The following GABRA3 variants were observed in gnomAD, a reference collection of about 807,000 sequenced individuals.
The protein encoded by GABRA3 is gamma-aminobutyric acid type A receptor subunit alpha3.
A neutral mutation model predicts 30.1 loss-of-function variants in GABRA3; 10 were observed. That is an observed-to-expected ratio of 0.33 (90% CI 0.20 to 0.56). The LOEUF (loss-of-function observed/expected upper bound fraction) is 0.56. Ranked by LOEUF, GABRA3 falls within the 20% of genes least tolerant of loss-of-function variation. The pLI is 0.89. For missense variants in GABRA3, 233 were observed against 392.0 expected, an observed-to-expected ratio of 0.59 and a Z score of 3.42; for synonymous variants, 151 against 146.8, an observed-to-expected ratio of 1.03 and a Z score of -0.21.
intron 3 of GABRA3, among the ~76,000 whole-genome samples, chrX:152,318,924 G>T (rs904019958): frequency 2.7e-5 from 3 of 111,196 alleles, no homozygotes; most frequent in African/African-American, 9.8e-5. Flanking sequence ...CTGAGAACTG[G>T]AACAAGACAA....
chrX:152,203,768 G>C (rs775428164), intron 7 of GABRA3, among the ~76,000 whole-genome samples: 3 of 111,131 alleles, frequency 2.7e-5, no homozygotes, highest in Non-Finnish European at 5.7e-5. Context: ...TTTTCTTTTT[G>C]ACTCTGGTCT....
At chrX:152,280,171 G>C (rs770572601) in intron 4 of GABRA3, among the ~76,000 whole-genome samples, 2 of 111,031 alleles carry the variant, frequency 1.8e-5, no homozygotes, top group African/African-American at 3.3e-5. Context: ...GGTGAGAGAG[G>C]GCATCCCTCT....
intron 1 of GABRA3, among the ~76,000 whole-genome samples, chrX:152,391,106 A>T (rs969563080): frequency 1.8e-5 from 2 of 111,882 alleles, no homozygotes; most frequent in African/African-American, 3.2e-5. Flanking sequence ...CCACAGGCAC[A>T]CTCAGATAAT....
intron 1 of GABRA3, among the ~76,000 whole-genome samples, chrX:152,365,918 G>C: frequency 9.0e-6 from 1 of 111,700 alleles, no homozygotes. Context: ...CATAGTATTA[G>C]ATTGCACCAT....
intron 3 of GABRA3, among the ~76,000 whole-genome samples, chrX:152,307,838 G>T (rs918264872): frequency 8.9e-6 from 1 of 111,989 alleles, no homozygotes; most frequent in African/African-American, 3.2e-5. Context: ...AACTGGGGGA[G>T]AACCCATGAC....
chrX:152,214,729 T>G (rs61549548), intron 6 of GABRA3, among the ~76,000 whole-genome samples: 2,667 of 111,251 alleles, frequency 0.024, 96 homozygotes, highest in African/African-American at 0.083. Flanking sequence ...TTTCTATTTA[T>G]TTGTGTCTTC....
At chrX:152,282,565 C>A (rs1939217630) in intron 4 of GABRA3, among the ~76,000 whole-genome samples, 1 of 112,039 alleles carries the variant, frequency 8.9e-6, no homozygotes, top group Admixed American at 9.5e-5. Context: ...AGGAAGGTGC[C>A]ATTCTGTTGC....
chrX:152,445,028 T>C (rs1931047710), intron 1 of GABRA3, among the ~76,000 whole-genome samples: 1 of 60,846 alleles, frequency 1.6e-5, no homozygotes, highest in African/African-American at 6.8e-5. Flanking sequence ...GCCACTGCAC[T>C]CCAGCCTGGG....
At chrX:152,392,938 G>A (rs1042590428) in intron 1 of GABRA3, among the ~76,000 whole-genome samples, 4 of 111,723 alleles carry the variant, frequency 3.6e-5, no homozygotes, top group Non-Finnish European at 7.5e-5. Flanking sequence ...TTGTCCATGA[G>A]TAGATGTCAG....
chrX:152,326,648 A>C (rs1160814113), intron 3 of GABRA3, among the ~76,000 whole-genome samples: 4 of 111,590 alleles, frequency 3.6e-5, no homozygotes, highest in African/African-American at 9.8e-5. Context: ...ACAGACAAGC[A>C]AATGCTGAGA....
At chrX:152,309,443 C>T (rs1939768224) in intron 3 of GABRA3, among the ~76,000 whole-genome samples, 1 of 110,158 alleles carries the variant, frequency 9.1e-6, no homozygotes, top group Non-Finnish European at 1.9e-5. Context: ...AAGCTAATAG[C>T]ACATCTTTCA....
intron 3 of GABRA3, among the ~76,000 whole-genome samples, chrX:152,332,601 A>T (rs1569399671): frequency 9.0e-6 from 1 of 111,627 alleles, no homozygotes; most frequent in African/African-American, 3.3e-5. Flanking sequence ...TTTTTTACAG[A>T]TGAGAAAACA....
intron 5 of GABRA3, 87 bp downstream of exon 5, chrX:152,255,691 A>G: frequency 1.2e-6 from 1 of 810,964 alleles, no homozygotes; most frequent in African/African-American, 2.0e-5. Context: ...CACTTGAGGG[A>G]ATTTTCAATG....
chrX:152,422,460 T>A (rs1486438191), intron 1 of GABRA3, among the ~76,000 whole-genome samples: 1 of 110,924 alleles, frequency 9.0e-6, no homozygotes, highest in African/African-American at 3.3e-5. Flanking sequence ...ATTTTTTTTT[T>A]ATTTTCTGAC....
At chrX:152,325,982 G>C (rs940149929) in intron 3 of GABRA3, among the ~76,000 whole-genome samples, 3 of 111,096 alleles carry the variant, frequency 2.7e-5, no homozygotes, top group Non-Finnish European at 5.7e-5. Context: ...TGGCTAACTA[G>C]AATAAACAGT....
chrX:152,208,278 GA>G (rs746590104), intron 6 of GABRA3, 134 bp from the exon 7 acceptor site: 20 of 602,981 alleles, frequency 3.3e-5, no homozygotes, highest in Non-Finnish European at 5.1e-5. Context: ...GTCTTCAACT[GA>G]AGTCCATCCA....
chrX:152,417,391 A>C (rs1930254774), intron 1 of GABRA3, among the ~76,000 whole-genome samples: 1 of 110,184 alleles, frequency 9.1e-6, no homozygotes. Flanking sequence ...GCTGGAGAGG[A>C]TGTGGAGAAA....
intron 4 of GABRA3, among the ~76,000 whole-genome samples, chrX:152,277,403 G>C (rs1469297680): frequency 9.0e-6 from 1 of 110,617 alleles, no homozygotes; most frequent in Non-Finnish European, 1.9e-5. Flanking sequence ...TATTTCCCAG[G>C]CTTCCATTTT....
intron 5 of GABRA3, among the ~76,000 whole-genome samples, chrX:152,239,705 T>A (rs1938314832): frequency 1.0e-5 from 1 of 98,115 alleles, no homozygotes; most frequent in African/African-American, 4.0e-5. Context: ...ATATTTAGGA[T>A]AGTTAGCTCT....
Sources: allele counts gnomAD v4.1 joint callset (sites outside exome capture counted in the v4.1 genomes callset), GRCh38; gene constraint gnomAD v4.1.1; transcripts MANE v1.5; gene names NCBI Gene and HGNC (gene_info 2026-07-23, HGNC 2026-07-21).